The following DHRS7C variants were observed in gnomAD, a reference collection of about 807,000 sequenced individuals.
DHRS7C encodes the protein dehydrogenase/reductase SDR family member 7C.
DHRS7C carries 28 observed loss-of-function variants against 29.6 expected under a neutral mutation model. The ratio of observed to expected loss-of-function variants is 0.95; its 90% CI spans 0.70 to 1.30. The LOEUF (loss-of-function observed/expected upper bound fraction) is 1.30. DHRS7C is among the 50% of genes most tolerant of loss of function. DHRS7C has a pLI of 0.00. For synonymous variants in DHRS7C, 158 were observed against 160.2 expected (o/e 0.99, Z 0.10); for missense variants, 403 against 393.3 (o/e 1.02, Z -0.21).
At position 9,774,663 on chromosome 17, in the gene DHRS7C, G is replaced by T. The variant is rs187484998; in HGVS notation, c.572-1741C>A. Among the ~76,000 whole-genome samples, 178 of 152,332 alleles carry T rather than the reference G, an allele frequency of 1.2e-3. No individual in the cohort carries two copies. Among genetic ancestry groups the T allele is most frequent in the Non-Finnish European group, 1.9e-3 (126 of 68,026 alleles). On this transcript the variant is annotated intron_variant, in intron 4 of 5. Coordinates refer to ENST00000571134, the MANE Select transcript of DHRS7C (RefSeq NM_001105571.3). The surrounding 1 kb of genome is among the most constrained non-coding windows in gnomAD (Gnocchi z 5.0). ...CATGGCAGGCTGCCTTCCCTTTCAA[G>T]TCTGTGTGCCAGGTTCTGAGCCTCA...
Position 9,775,586 on chromosome 17 carries a change from T to G in DHRS7C, c.571+1607A>C, listed in dbSNP as rs1195758837. 1.3e-5 allele frequency among the ~76,000 whole-genome samples: 2 copies of G among 152,186 alleles called. No individual in the cohort carries two copies. The highest frequency in any genetic ancestry group is 6.5e-5 in the Admixed American group (1 of 15,276). On this transcript the variant is annotated intron_variant, in intron 4 of 5. Coordinates refer to ENST00000571134, the MANE Select transcript of DHRS7C (RefSeq NM_001105571.3). This position sits in a 1 kb window ranked among gnomAD's most constrained non-coding sequence, Gnocchi z 4.2. Reference sequence around the variant, plus strand: ...ATGACCCTGGGCCCCTCAGTGACCCTGTGGCATGGTGGCATCTGCTTGCCT... The same window carrying G: ...ATGACCCTGGGCCCCTCAGTGACCCGGTGGCATGGTGGCATCTGCTTGCCT...
chr17:9,787,517 A>G (rs2066430888), intron 1 of DHRS7C, among the ~76,000 whole-genome samples: 2 of 152,138 alleles, frequency 1.3e-5, no homozygotes, highest in African/African-American at 4.8e-5. Flanking sequence ...GGCCTTTGGT[A>G]TACCCAGGTG....
At chr17:9,781,730 A>C (rs773407809) in intron 1 of DHRS7C, 136 bp from the exon 2 acceptor site, 29 of 736,012 alleles carry the variant, frequency 3.9e-5, no homozygotes, top group Non-Finnish European at 6.3e-5. Flanking sequence ...GGGTCACTTC[A>C]TTGAACTCCC....
intron 1 of DHRS7C, among the ~76,000 whole-genome samples, chr17:9,784,227 C>T (rs1279557587): frequency 6.6e-6 from 1 of 152,086 alleles, no homozygotes; most frequent in East Asian, 1.9e-4. Flanking sequence ...AATCCCAGCA[C>T]TTTGGTAGGC....
chr17:9,791,370 G>A lies in DHRS7C; in HGVS notation c.-86C>T. 1 of 1,491,546 alleles carries A rather than the reference G, an allele frequency of 6.7e-7. No homozygotes were observed. The highest frequency in any genetic ancestry group is 9.1e-7 in the Non-Finnish European group (1 of 1,101,150). The allele number at this position is 1,491,546 out of a possible 1,614,324, so 92.4% of individuals were successfully genotyped here. A position where few individuals can be genotyped will look rare whatever the true frequency, so the allele number is the denominator to read the frequency against. ...ACTCCCAGGGCAGGGGGAGGCCCAA[G>A]GCTGCAGGGAGCTCAGCTCTGTGCA... On this transcript the variant is annotated 5_prime_UTR_variant, in exon 1 of 6. Transcript: ENST00000571134.
At position 9,791,410 on chromosome 17, in the gene DHRS7C, A is replaced by G; in HGVS notation, c.-126T>C. On this transcript the variant is annotated 5_prime_UTR_variant, in exon 1 of 6. Coordinates refer to ENST00000571134, the MANE Select transcript of DHRS7C (RefSeq NM_001105571.3). ...AGCTCTGTGCAAGCCTCCAAGCTGA[A>G]CACCCAGTGGGCGTGCTAATCCCCA... is the stretch of plus-strand genomic sequence containing the variant. 1 of 1,055,028 alleles carries G rather than the reference A, an allele frequency of 9.5e-7. No homozygotes were observed. Among genetic ancestry groups the G allele is most frequent in the South Asian group, 1.8e-5 (1 of 56,938 alleles). 65.4% of individuals were successfully genotyped at this position (1,055,028 alleles called of 1,614,324 possible). A position where few individuals can be genotyped will look rare whatever the true frequency, so the allele number is the denominator to read the frequency against.
chr17:9,784,694 A>G (rs1390437407), intron 1 of DHRS7C, among the ~76,000 whole-genome samples: 1 of 152,246 alleles, frequency 6.6e-6, no homozygotes, highest in Non-Finnish European at 1.5e-5. Flanking sequence ...GCAACTCACA[A>G]AAGAAGTATC....
intron 1 of DHRS7C, among the ~76,000 whole-genome samples, chr17:9,782,423 G>T (rs1394763813): frequency 6.6e-6 from 1 of 152,170 alleles, no homozygotes; most frequent in Non-Finnish European, 1.5e-5. Context: ...GCCAGGAGAG[G>T]ATGTGGTCTC....
In DHRS7C at chr17:9,775,556, T is replaced by C. The variant is rs1167363100; in HGVS notation, c.571+1637A>G. Reference sequence around the variant, plus strand: ...CGGAAGATGTTGTTGATGGAATGACTTAGCATGACCCTGGGCCCCTCAGTG... The same window carrying C: ...CGGAAGATGTTGTTGATGGAATGACCTAGCATGACCCTGGGCCCCTCAGTG... On this transcript the variant is annotated intron_variant, in intron 4 of 5. Coordinates refer to ENST00000571134, the MANE Select transcript of DHRS7C (RefSeq NM_001105571.3). This position sits in a 1 kb window ranked among gnomAD's most constrained non-coding sequence, Gnocchi z 4.2. 6.6e-6 allele frequency among the ~76,000 whole-genome samples: 1 copy of C among 152,168 alleles called. No individual in the cohort carries two copies. Among genetic ancestry groups the C allele is most frequent in the South Asian group, 2.1e-4 (1 of 4,820 alleles).
Position 9,781,557 on chromosome 17 carries a change from C to G in DHRS7C, c.192G>C (p.Leu64=). The G allele has an allele frequency of 6.2e-7, 1 of 1,613,974 alleles. No homozygotes were observed. Among genetic ancestry groups the G allele is most frequent in the South Asian group, 1.1e-5 (1 of 91,074 alleles). ...ARVFHTGGAR[L]VLCGKNWERL... ...TCTCCCAGTTCTTTCCACACAGCAC[C>G]AGCCTTGCCCCACCTGTGTGGAACA... Residue 64 remains leucine (L), a synonymous_variant, in exon 2 of 6, where the codon CTG becomes CTC. Coordinates refer to ENST00000571134, the MANE Select transcript of DHRS7C (RefSeq NM_001105571.3).
intron 4 of DHRS7C, among the ~76,000 whole-genome samples, chr17:9,773,741 T>TTTTTTTTTTTTTTTTC (rs57969612): frequency 3.1e-5 from 4 of 129,290 alleles, no homozygotes; most frequent in African/African-American, 6.4e-5. Flanking sequence ...TTTTTTTTTT[T>TTTTTTTTTTTTTTTTC]TGAGACGGCG....
At chr17:9,788,396 G>A (rs370482998) in intron 1 of DHRS7C, among the ~76,000 whole-genome samples, 11 of 151,820 alleles carry the variant, frequency 7.2e-5, no homozygotes, top group East Asian at 1.9e-4. Flanking sequence ...CAGTAGAGAC[G>A]GGGTTTTACC....
chr17:9,786,698 T>C (rs2066426051), intron 1 of DHRS7C, among the ~76,000 whole-genome samples: 1 of 152,164 alleles, frequency 6.6e-6, no homozygotes, highest in African/African-American at 2.4e-5. Context: ...CAGCTGTCAT[T>C]CTGGAGCAGA....
intron 2 of DHRS7C, among the ~76,000 whole-genome samples, chr17:9,780,617 C>G (rs1473962193): frequency 6.6e-6 from 1 of 152,152 alleles, no homozygotes; most frequent in Non-Finnish European, 1.5e-5. Context: ...ATTGTTGACA[C>G]CAAGGGGTAA....
intron 1 of DHRS7C, chr17:9,785,232 G>C (rs548308606): frequency 6.6e-6 from 1 of 152,238 alleles, no homozygotes; most frequent in Non-Finnish European, 1.5e-5. Flanking sequence ...AAGGAGGATC[G>C]CCTGGAAAGA....
chr17:9,784,316 CA>C (rs1327221732), intron 1 of DHRS7C, among the ~76,000 whole-genome samples: 1 of 152,004 alleles, frequency 6.6e-6, no homozygotes, highest in Non-Finnish European at 1.5e-5. Context: ...ACTAAAACTA[CA>C]AAAAATTAGC....
intron 4 of DHRS7C, among the ~76,000 whole-genome samples, chr17:9,776,195 TC>T (rs1269840336): frequency 6.6e-6 from 1 of 152,050 alleles, no homozygotes; most frequent in African/African-American, 2.4e-5. Flanking sequence ...AGAGTGAGAT[TC>T]TGTCTCAAAA....
chr17:9,783,693 C>T (rs549214884), intron 1 of DHRS7C, among the ~76,000 whole-genome samples: 28 of 152,266 alleles, frequency 1.8e-4, no homozygotes, highest in African/African-American at 6.0e-4. Flanking sequence ...GAGCTGGGCG[C>T]GGTGGCTCAT....
At position 9,790,386 on chromosome 17, in the gene DHRS7C, C is replaced by T. The variant is rs549302912; in HGVS notation, c.154+745G>A. 3.9e-5 allele frequency among the ~76,000 whole-genome samples: 6 copies of T among 152,304 alleles called. No homozygotes were observed. The South Asian group carries it at 1.0e-3, about 26-fold the overall frequency. On this transcript the variant is annotated intron_variant, in intron 1 of 5. Transcript: ENST00000571134. ...AATCTTGCAAACTTAAGGACAATTA[C>T]GGCCCCTCATGTCATAGATGTCACC...
Sources: gnomAD v4.1 joint callset for allele counts (sites outside exome capture counted in the v4.1 genomes callset) on GRCh38, gnomAD v4.1.1 for gene constraint, Gnocchi (gnomAD v3.1) non-coding constraint, MANE v1.5 for transcripts, NCBI Gene and HGNC (gene_info 2026-07-23, HGNC 2026-07-21) for gene names.